Variants in PLVAP observed in about 807,000 individuals in gnomAD.
PLVAP encodes plasmalemma vesicle associated protein.
In PLVAP, 34 loss-of-function variants were observed where a neutral mutation model predicts 43.1. That is an observed-to-expected ratio of 0.79 (90% CI 0.60 to 1.05). The LOEUF is 1.05. PLVAP is among the 50% of genes least tolerant of loss of function. The pLI is 0.00. For missense variants in PLVAP, 574 were observed against 593.4 expected, an observed-to-expected ratio of 0.97 and a Z score of 0.34; for synonymous variants, 241 against 237.3, an observed-to-expected ratio of 1.02 and a Z score of -0.14.
intron 1 of PLVAP, among the ~76,000 whole-genome samples, chr19:17,372,227 G>C (rs967185283): frequency 1.3e-5 from 2 of 151,274 alleles, no homozygotes; most frequent in Non-Finnish European, 2.9e-5. Flanking sequence ...GGCCAACATG[G>C]GGAAACCCCA....
At chr19:17,367,148 C>G (rs564456142) in intron 1 of PLVAP, among the ~76,000 whole-genome samples, 23 of 151,358 alleles carry the variant, frequency 1.5e-4, no homozygotes, top group African/African-American at 5.3e-4. Flanking sequence ...TTTTACCATG[C>G]TGCCGAGGCT....
At position 17,367,475 on chromosome 19, in the gene PLVAP, G is replaced by A. The variant is rs369192115; in HGVS notation, c.370-1280C>T. Among the ~76,000 whole-genome samples the A allele has an allele frequency of 5.3e-5, 8 of 150,782 alleles. No individual in the cohort carries two copies. In the East Asian group the frequency reaches 1.2e-3, roughly 22 times the overall value. ...GCGATCTCGGCTCACTGCAACCTCC[G>A]CCTCCCGAGTTCAAGCGATTCTCCT... On this transcript the variant is annotated intron_variant, in intron 1 of 5. Coordinates refer to ENST00000252590, the MANE Select transcript of PLVAP (RefSeq NM_031310.3).
At chr19:17,376,846 A>G in intron 1 of PLVAP, 74 bp downstream of exon 1, 1 of 1,393,006 alleles carries the variant, frequency 7.2e-7, no homozygotes, top group Non-Finnish European at 9.8e-7. Flanking sequence ...CTCTTGGATG[A>G]GGAAACTCAG....
intron 3 of PLVAP, among the ~76,000 whole-genome samples, chr19:17,363,798 A>G (rs1423783909): frequency 4.2e-5 from 6 of 141,980 alleles, no homozygotes; most frequent in Non-Finnish European, 7.5e-5. Context: ...GCTGGAGTGC[A>G]GTGGTGTGAT....
Position 17,352,180 on chromosome 19 carries a change from G to T in PLVAP, c.*182C>A. 1 of 772,498 alleles carries T rather than the reference G, an allele frequency of 1.3e-6. No homozygotes were observed. Among genetic ancestry groups the T allele is most frequent in the Non-Finnish European group, 2.1e-6 (1 of 477,408 alleles). 47.9% of individuals were successfully genotyped at this position (772,498 alleles called of 1,614,324 possible). On this transcript the variant is annotated 3_prime_UTR_variant, in exon 6 of 6. Coordinates refer to ENST00000252590, the MANE Select transcript of PLVAP (RefSeq NM_031310.3). ...GGCCGTGTGCTCTGGGTGAGGGATC[G>T]TGAGGCGCGGGTGCGGGTGTGAGAG... is the stretch of plus-strand genomic sequence containing the variant.
At chr19:17,364,835 C>T (rs946905452) in intron 3 of PLVAP, among the ~76,000 whole-genome samples, 3 of 135,268 alleles carry the variant, frequency 2.2e-5, no homozygotes, top group East Asian at 2.3e-4. Flanking sequence ...TGCAATGGCT[C>T]GATCTTGGCT....
intron 1 of PLVAP, among the ~76,000 whole-genome samples, chr19:17,369,789 T>C (rs1446558688): frequency 6.6e-6 from 1 of 151,074 alleles, no homozygotes; most frequent in African/African-American, 2.4e-5. Flanking sequence ...TCACCTGAGG[T>C]TGGGCATTCG....
chr19:17,375,859 T>G (rs1287222503), intron 1 of PLVAP, among the ~76,000 whole-genome samples: 7 of 144,084 alleles, frequency 4.9e-5, no homozygotes, highest in Non-Finnish European at 1.0e-4. Flanking sequence ...TCAGCCTGGG[T>G]GACAGAGCGA....
chr19:17,365,524 C>A lies in PLVAP; in HGVS notation c.941G>T (p.Gly314Val), dbSNP rs775604876. The change falls in exon 3 of 6, where the codon GGC (glycine) becomes GTC (valine). Residue 314 changes from glycine (G) to valine (V), a missense_variant. By Grantham distance (109) the Gly-to-Val change is moderately radical. Coordinates refer to ENST00000252590, the MANE Select transcript of PLVAP (RefSeq NM_031310.3). ...LQRQKLEAQQGLRASQEAKQK... is the reference protein window; with the variant it reads ...LQRQKLEAQQVLRASQEAKQK... ...TTTCGCCTCCTGACTGGCCCGCAGG[C>A]CCTGCTGGGCTTCCAGCTTCTGGCG... The A allele has an allele frequency of 6.2e-7, 1 of 1,612,080 alleles. No individual in the cohort carries two copies. The highest frequency in any genetic ancestry group is 2.2e-5 in the East Asian group (1 of 44,888).
chr19:17,365,249 C>A, intron 3 of PLVAP, 37 bp downstream of exon 3: 1 of 1,563,886 alleles, frequency 6.4e-7, no homozygotes. Context: ...CTGGACCTAA[C>A]TCCACTGCAG....
intron 5 of PLVAP, 133 bp downstream of exon 5, chr19:17,360,395 T>C: frequency 1.1e-6 from 1 of 905,450 alleles, no homozygotes; most frequent in Non-Finnish European, 1.8e-6. Flanking sequence ...CAACCATACA[T>C]GACCTAGTAT....
At chr19:17,361,762 C>A (rs2074529247) in intron 3 of PLVAP, among the ~76,000 whole-genome samples, 1 of 152,092 alleles carries the variant, frequency 6.6e-6, no homozygotes, top group Admixed American at 6.6e-5. Flanking sequence ...TCTCTTGACC[C>A]AACCTCTATG....
In PLVAP at chr19:17,377,050, G is replaced by A; in HGVS notation, c.239C>T (p.Ser80Phe). ...GAGCTCCTTGGTCAAGTTGGACTGG[G>A]AGGCCGTGAGCCCTAGGAGCTGACT... ...LYSQLLGLTA[S>F]QSNLTKELNF... The change falls in exon 1 of 6, where the codon TCC (serine) becomes TTC (phenylalanine). Residue 80 changes from serine to phenylalanine, a missense_variant. Coordinates refer to ENST00000252590, the MANE Select transcript of PLVAP (RefSeq NM_031310.3). 1 of 1,614,166 alleles carries A rather than the reference G, an allele frequency of 6.2e-7. No individual in the cohort carries two copies.
In PLVAP at chr19:17,351,690, G is replaced by A. The variant is rs2288462; in HGVS notation, c.*672C>T. On this transcript the variant is annotated 3_prime_UTR_variant, in exon 6 of 6. Transcript: ENST00000252590. ...TGAGGAAGTGGCTGGGAGGCCAGGA[G>A]GCTGGAGGAGGGGAGGTGCTGGGGC... The A allele has an allele frequency of 0.96, 145,874 of 152,558 alleles. 70,039 individuals carry two copies. The highest frequency in any genetic ancestry group is 1 in the Non-Finnish European group (67,941 of 68,266). The allele number at this position is 152,558 out of a possible 1,614,324, so 9.5% of individuals were successfully genotyped here.
At chr19:17,363,691 C>T (rs900548989) in intron 3 of PLVAP, among the ~76,000 whole-genome samples, 1 of 151,408 alleles carries the variant, frequency 6.6e-6, no homozygotes, top group Admixed American at 6.6e-5. Flanking sequence ...TCCCACTTCT[C>T]AGCCTCCCAA....
In PLVAP at chr19:17,352,159, G is replaced by C; in HGVS notation, c.*203C>G. The stretch of plus-strand genomic sequence containing the variant: ...CTTGCGTGACGTCATCTCCGCGGCC[G>C]TGTGCTCTGGGTGAGGGATCGTGAG... On this transcript the variant is annotated 3_prime_UTR_variant, in exon 6 of 6. Coordinates refer to ENST00000252590, the MANE Select transcript of PLVAP (RefSeq NM_031310.3). 3.0e-6 allele frequency: 2 copies of C among 656,538 alleles called. No individual in the cohort carries two copies. Among genetic ancestry groups the C allele is most frequent in the Non-Finnish European group, 5.2e-6 (2 of 382,240 alleles). The allele number at this position is 656,538 out of a possible 1,614,324, so 40.7% of individuals were successfully genotyped here. A position where few individuals can be genotyped will look rare whatever the true frequency, so the allele number is the denominator to read the frequency against.
chr19:17,368,579 G>T (rs1278320731), intron 1 of PLVAP, among the ~76,000 whole-genome samples: 1 of 152,062 alleles, frequency 6.6e-6, no homozygotes, highest in East Asian at 1.9e-4. Flanking sequence ...AATCCAACAT[G>T]ACTGATGTCC....
chr19:17,371,056 A>AAAAC (rs34713686), intron 1 of PLVAP, among the ~76,000 whole-genome samples: 31,331 of 151,066 alleles, frequency 0.21, 3,750 homozygotes, highest in East Asian at 0.32. Flanking sequence ...ACTCCATCTC[A>AAAAC]AAACAAACAA....
chr19:17,373,881 C>T (rs1309481870), intron 1 of PLVAP, among the ~76,000 whole-genome samples: 1 of 152,064 alleles, frequency 6.6e-6, no homozygotes, highest in Non-Finnish European at 1.5e-5. Flanking sequence ...ACTTCTGCTG[C>T]CCAGGCGCAA....
Sources: gnomAD v4.1 joint callset for allele counts (sites outside exome capture counted in the v4.1 genomes callset) on GRCh38, gnomAD v4.1.1 for gene constraint, MANE v1.5 for transcripts, NCBI Gene and HGNC (gene_info 2026-07-23, HGNC 2026-07-21) for gene names.